KANSL1: variants seen among roughly 807,000 people sequenced by gnomAD.
KANSL1 encodes MLL1/MLL complex subunit KANSL1.
A neutral mutation model predicts 103.6 loss-of-function variants in KANSL1; 22 were observed. The ratio of observed to expected loss-of-function variants is 0.21; its 90% CI spans 0.15 to 0.30. KANSL1 has a LOEUF of 0.30. Among genes scored for constraint, KANSL1 ranks in the 10% least tolerant of loss-of-function variants. The pLI, the probability that KANSL1 is intolerant of heterozygous loss-of-function variation, is 1.00. For missense variants in KANSL1, 1,337 were observed against 1,399.8 expected, an observed-to-expected ratio of 0.96 and a Z score of 0.72; for synonymous variants, 600 against 527.6, an observed-to-expected ratio of 1.14 and a Z score of -1.88.
Position 46,170,892 on chromosome 17 carries a change from G to T in KANSL1, c.1252C>A (p.Leu418Met). 1 of 1,613,606 alleles carries T rather than the reference G, an allele frequency of 6.2e-7. No individual in the cohort carries two copies. The highest frequency in any genetic ancestry group is 8.5e-7 in the Non-Finnish European group (1 of 1,179,814). The change falls in exon 2 of 15, where the codon CTG (leucine) becomes ATG (methionine). Residue 418 changes from leucine to methionine, a missense_variant. By Grantham distance (15) the Leu-to-Met change is conservative. Around this residue, in one of 2 missense-constraint regions of KANSL1, gnomAD observed 780 missense variants for 923.4 expected, o/e 0.84. Coordinates refer to ENST00000432791, the MANE Select transcript of KANSL1 (RefSeq NM_015443.4). ...CGCTGCTCGGGATCAGCTCTGGTCA[G>T]TTCTTCCTCTTCAATATCAGACTCC... ...GGESDIEEEELTRADPEQRHV... is the reference protein window; with the variant it reads ...GGESDIEEEEMTRADPEQRHV...
At chr17:46,070,320 AAT>A (rs1330941783) in intron 4 of KANSL1, among the ~76,000 whole-genome samples, 2 of 152,224 alleles carry the variant, frequency 1.3e-5, no homozygotes, top group East Asian at 3.8e-4. Context: ...AGAAAAAAAT[AAT>A]AGTTTAATAT....
intron 10 of KANSL1, among the ~76,000 whole-genome samples, chr17:46,036,693 A>C (rs2077159211): frequency 6.6e-6 from 1 of 151,742 alleles, no homozygotes; most frequent in South Asian, 2.1e-4. Flanking sequence ...GCAGATACTG[A>C]GAGCCTGCTG....
At chr17:46,141,300 T>C (rs1362001226) in intron 2 of KANSL1, among the ~76,000 whole-genome samples, 2 of 152,176 alleles carry the variant, frequency 1.3e-5, no homozygotes, top group African/African-American at 4.8e-5. Context: ...TCAGAGGCTA[T>C]CCCACAGAGC....
At chr17:46,225,006 TCCGCGCCCCCGG>T (rs2048641260), upstream of KANSL1, 3 of 151,322 alleles carry the variant, frequency 2.0e-5, no homozygotes, top group Admixed American at 2.0e-4. Context: ...CGAGGTCCGC[TCCGCGCCCCCGG>T]CCGCGGCCCC....
At chr17:46,114,745 T>C (rs1226199093) in intron 2 of KANSL1, among the ~76,000 whole-genome samples, 1 of 152,256 alleles carries the variant, frequency 6.6e-6, no homozygotes, top group Admixed American at 6.5e-5. Context: ...TTAAAGTTAT[T>C]AGACTATGAC....
chr17:46,121,525 ATAGT>A (rs1289135202), intron 2 of KANSL1, among the ~76,000 whole-genome samples: 1 of 152,170 alleles, frequency 6.6e-6, no homozygotes, highest in Admixed American at 6.6e-5. Context: ...TATCACTTTC[ATAGT>A]TAGGCCTTTT....
chr17:46,095,158 A>T (rs1262865367), intron 2 of KANSL1, among the ~76,000 whole-genome samples: 2 of 152,224 alleles, frequency 1.3e-5, no homozygotes, highest in Non-Finnish European at 2.9e-5. Flanking sequence ...CACCAACAAA[A>T]CTAATGATAT....
chr17:46,201,722 A>AT (rs2047811332), intron 1 of KANSL1, among the ~76,000 whole-genome samples: 2 of 152,010 alleles, frequency 1.3e-5, no homozygotes, highest in African/African-American at 4.8e-5. Context: ...AAAAAAAAAA[A>AT]TTAAGTCCAG....
intron 7 of KANSL1, among the ~76,000 whole-genome samples, chr17:46,046,911 T>C (rs1369755126): frequency 6.6e-6 from 1 of 151,652 alleles, no homozygotes; most frequent in Non-Finnish European, 1.5e-5. Flanking sequence ...CTACAAACTT[T>C]AAAATGCTAT....
chr17:46,090,342 C>G (rs570041915), intron 3 of KANSL1, among the ~76,000 whole-genome samples: 1 of 152,312 alleles, frequency 6.6e-6, no homozygotes, highest in East Asian at 1.9e-4. Flanking sequence ...TAAGCCATCC[C>G]ATTTGTGATA....
chr17:46,034,061 G>T, intron 11 of KANSL1, 100 bp downstream of exon 11: 1 of 1,412,134 alleles, frequency 7.1e-7, no homozygotes, highest in South Asian at 1.3e-5. Flanking sequence ...TGAGAAGACA[G>T]AACCAAAGAC....
At chr17:46,177,534 C>G (rs1005580962) in intron 1 of KANSL1, among the ~76,000 whole-genome samples, 2 of 152,194 alleles carry the variant, frequency 1.3e-5, no homozygotes, top group African/African-American at 4.8e-5. Context: ...GCTATATTTA[C>G]TAACATAGAA....
intron 4 of KANSL1, among the ~76,000 whole-genome samples, chr17:46,073,039 T>C (rs888824975): frequency 6.6e-6 from 1 of 152,230 alleles, no homozygotes; most frequent in Non-Finnish European, 1.5e-5. Context: ...GTCAAATATT[T>C]CTTGGCCAAT....
chr17:46,142,191 G>A (rs2044457215), intron 2 of KANSL1, among the ~76,000 whole-genome samples: 1 of 152,200 alleles, frequency 6.6e-6, no homozygotes, highest in Admixed American at 6.5e-5. Flanking sequence ...ACTATTTTAG[G>A]TTGAGAAAGA....
chr17:46,064,065 A>AC (rs1000228069), intron 6 of KANSL1, among the ~76,000 whole-genome samples: 10 of 129,300 alleles, frequency 7.7e-5, no homozygotes, highest in African/African-American at 2.0e-4. Flanking sequence ...AAAAAAAAAA[A>AC]AAAAAACAAA....
rs983237906 is a variant in KANSL1 at position 46,201,733 on chromosome 17, G to A, written c.-90+21938C>T. ...AAAAAAAAAAAAAAATTAAGTCCAG[G>A]TACAGTGGCTCAGGCCTGTAATCCC... On this transcript the variant is annotated intron_variant, in intron 1 of 14. Transcript: ENST00000572904. Among the ~76,000 whole-genome samples, 3 of 151,796 alleles carry A rather than the reference G, an allele frequency of 2.0e-5. No individual in the cohort carries two copies. In the South Asian group the frequency reaches 6.2e-4, roughly 32 times the overall value.
At chr17:46,098,808 A>G (rs1239182235) in intron 2 of KANSL1, among the ~76,000 whole-genome samples, 1 of 152,266 alleles carries the variant, frequency 6.6e-6, no homozygotes, top group Admixed American at 6.5e-5. Context: ...AACTCTCATC[A>G]TCTCCAATGA....
intron 2 of KANSL1, among the ~76,000 whole-genome samples, chr17:46,127,971 C>T (rs1173326252): frequency 6.6e-6 from 1 of 150,672 alleles, no homozygotes; most frequent in East Asian, 1.9e-4. Context: ...GATACCCAAA[C>T]ACCCCTTCCC....
intron 4 of KANSL1, among the ~76,000 whole-genome samples, chr17:46,082,076 A>G (rs376095567): frequency 2.2e-4 from 34 of 152,270 alleles, no homozygotes; most frequent in Non-Finnish European, 2.9e-4. Flanking sequence ...CCTCTAGTCT[A>G]ACCTTTTAAT....
Sources: gnomAD v4.1 joint callset for allele counts (sites outside exome capture counted in the v4.1 genomes callset) on GRCh38, gnomAD v4.1.1 for gene constraint, gnomAD v4.1.1 regional missense constraint, MANE v1.5 for transcripts, NCBI Gene and HGNC (gene_info 2026-07-23, HGNC 2026-07-21) for gene names.